Variants in CSMD1 observed in about 807,000 individuals in gnomAD.
The protein encoded by CSMD1 is CUB and sushi domain-containing protein 1.
In CSMD1, 213 loss-of-function variants were observed where a neutral mutation model predicts 417.5. That is an observed-to-expected ratio of 0.51 (90% confidence interval 0.46 to 0.57). The LOEUF (loss-of-function observed/expected upper bound fraction) is 0.57. Among genes scored for constraint, CSMD1 ranks in the 20% least tolerant of loss-of-function variants. The pLI, the probability that CSMD1 is intolerant of heterozygous loss-of-function variation, is 0.00. For missense variants in CSMD1, 6,923 were observed against 4,529.7 expected (o/e 1.53, Z -15.17); for synonymous variants, 2,862 against 1,736.8 (o/e 1.65, Z -16.11).
At chr8:4,490,416 C>T (rs1482296324) in intron 2 of CSMD1, among the ~76,000 whole-genome samples, 1 of 152,220 alleles carries the variant, frequency 6.6e-6, no homozygotes, top group Non-Finnish European at 1.5e-5. Flanking sequence ...TATTTCACAT[C>T]TGTCCTATCT....
intron 11 of CSMD1, among the ~76,000 whole-genome samples, chr8:3,470,120 C>T (rs1235030645): frequency 6.6e-6 from 1 of 152,140 alleles, no homozygotes; most frequent in Non-Finnish European, 1.5e-5. Flanking sequence ...TGTACCTTCT[C>T]CCAGTCACCA....
At chr8:3,707,349 A>C in intron 7 of CSMD1, among the ~76,000 whole-genome samples, 1 of 152,192 alleles carries the variant, frequency 6.6e-6, no homozygotes, top group South Asian at 2.1e-4. Context: ...CAGCCCTTCC[A>C]CTAATTGCTA....
At chr8:3,236,653 G>A (rs73185530) in intron 26 of CSMD1, among the ~76,000 whole-genome samples, 12,867 of 152,252 alleles carry the variant, frequency 0.085, 741 homozygotes, top group Admixed American at 0.15. Context: ...TTCACAAAGT[G>A]ATTGGCAGAG....
chr8:3,299,146 A>C (rs62504382), intron 25 of CSMD1, among the ~76,000 whole-genome samples: 22,454 of 152,184 alleles, frequency 0.15, 1,710 homozygotes, highest in Admixed American at 0.2. Context: ...CACTAGGTAA[A>C]GGAAGTTAAA....
At chr8:4,825,542 G>T (rs1161248196) in intron 1 of CSMD1, among the ~76,000 whole-genome samples, 3 of 151,798 alleles carry the variant, frequency 2.0e-5, no homozygotes, top group Non-Finnish European at 4.4e-5. Context: ...TCTACTCTCT[G>T]CTTATATGTG....
intron 5 of CSMD1, among the ~76,000 whole-genome samples, chr8:3,916,743 G>A (rs1023320066): frequency 6.6e-6 from 1 of 152,078 alleles, no homozygotes; most frequent in Non-Finnish European, 1.5e-5. Context: ...CATTGAGAAT[G>A]TGTCACAAAA....
chr8:4,096,684 C>G (rs993420934), intron 3 of CSMD1, among the ~76,000 whole-genome samples: 1 of 152,196 alleles, frequency 6.6e-6, no homozygotes, highest in Non-Finnish European at 1.5e-5. Flanking sequence ...CAAATTCAGA[C>G]TTTCCAAAAG....
intron 5 of CSMD1, among the ~76,000 whole-genome samples, chr8:3,779,058 A>C (rs1488168654): frequency 1.3e-5 from 2 of 152,042 alleles, no homozygotes; most frequent in African/African-American, 4.8e-5. Flanking sequence ...ACAAATTACC[A>C]TTCCTGTTCT....
At chr8:4,019,240 G>C (rs1024409615) in intron 4 of CSMD1, among the ~76,000 whole-genome samples, 1 of 152,216 alleles carries the variant, frequency 6.6e-6, no homozygotes. Flanking sequence ...AGTTAGGTCA[G>C]AGGCACTCTC....
At chr8:3,709,084 T>C (rs1370600822) in intron 6 of CSMD1, among the ~76,000 whole-genome samples, 4 of 151,750 alleles carry the variant, frequency 2.6e-5, no homozygotes, top group African/African-American at 7.3e-5. Context: ...GCTTCTAGCA[T>C]CATCATTCTG....
At chr8:3,607,944 C>A (rs571609318) in intron 8 of CSMD1, among the ~76,000 whole-genome samples, 17 of 151,914 alleles carry the variant, frequency 1.1e-4, no homozygotes, top group African/African-American at 3.9e-4. Context: ...CCAAGGCAGG[C>A]GGATCACTTG....
chr8:3,685,449 G>A (rs1799897724), intron 7 of CSMD1, among the ~76,000 whole-genome samples: 1 of 152,260 alleles, frequency 6.6e-6, no homozygotes, highest in East Asian at 1.9e-4. Context: ...CAAGGAAGAA[G>A]GCTTTAATCG....
chr8:4,127,946 G>T (rs185837630), intron 3 of CSMD1, among the ~76,000 whole-genome samples: 4 of 152,310 alleles, frequency 2.6e-5, no homozygotes, highest in Admixed American at 2.6e-4. Context: ...ACACTATTCT[G>T]TCTTGCAAAG....
At chr8:3,803,525 T>A (rs1204570975) in intron 5 of CSMD1, among the ~76,000 whole-genome samples, 1 of 152,150 alleles carries the variant, frequency 6.6e-6, no homozygotes, top group Non-Finnish European at 1.5e-5. Context: ...ACCCAGGGGC[T>A]GGGCCCAGGA....
intron 1 of CSMD1, among the ~76,000 whole-genome samples, chr8:4,795,854 C>A (rs1275703421): frequency 1.3e-5 from 2 of 152,076 alleles, no homozygotes; most frequent in Non-Finnish European, 2.9e-5. Flanking sequence ...CACAAATGAG[C>A]TATAAATGGA....
Position 4,763,447 on chromosome 8 carries a change from T to C in CSMD1, c.86-125889A>G, listed in dbSNP as rs141273574. 3.1e-3 allele frequency among the ~76,000 whole-genome samples: 473 copies of C among 152,280 alleles called. 2 individuals are homozygous for C. In the Middle Eastern group the frequency reaches 0.037, roughly 12 times the overall value. On this transcript the variant is annotated intron_variant, in intron 1 of 69. Transcript: ENST00000635120. Reference sequence around the variant, plus strand: ...AGGTCACTTACAAAGAAGGGTGCATTATTTATAATAGTGACATGATGAGAG... The same window carrying C: ...AGGTCACTTACAAAGAAGGGTGCATCATTTATAATAGTGACATGATGAGAG...
At chr8:3,336,587 C>G (rs1473559123) in intron 23 of CSMD1, among the ~76,000 whole-genome samples, 2 of 152,148 alleles carry the variant, frequency 1.3e-5, no homozygotes, top group Non-Finnish European at 2.9e-5. Flanking sequence ...ATGCTTTACC[C>G]CGCTCTGATT....
chr8:4,600,262 C>A (rs1481070304), intron 2 of CSMD1, among the ~76,000 whole-genome samples: 1 of 152,120 alleles, frequency 6.6e-6, no homozygotes, highest in African/African-American at 2.4e-5. Context: ...CACTCTGACA[C>A]TGGATTTGAC....
intron 2 of CSMD1, among the ~76,000 whole-genome samples, chr8:4,430,348 G>A (rs1488766901): frequency 1.3e-5 from 2 of 152,026 alleles, no homozygotes; most frequent in Non-Finnish European, 1.5e-5. Flanking sequence ...CTTCCTAAAA[G>A]GCTTACATCA....
Sources: gnomAD v4.1 joint callset for allele counts (sites outside exome capture counted in the v4.1 genomes callset) on GRCh38, gnomAD v4.1.1 for gene constraint, MANE v1.5 for transcripts, NCBI Gene and HGNC (gene_info 2026-07-23, HGNC 2026-07-21) for gene names.